Variants in CTDNEP1 observed in about 807,000 individuals in gnomAD.
CTDNEP1 encodes the protein CTD nuclear envelope phosphatase 1.
Under a neutral mutation model 30.1 loss-of-function variants are expected in CTDNEP1, and 3 were observed. That is an observed-to-expected ratio of 0.10 (90% CI 0.05 to 0.26). The LOEUF is 0.26. CTDNEP1 is among the 10% of genes least tolerant of loss of function. CTDNEP1 has a pLI of 1.00. For missense variants in CTDNEP1, 158 were observed against 310.4 expected (o/e 0.51, Z 3.69); for synonymous variants, 123 against 118.8 (o/e 1.04, Z -0.23).
In CTDNEP1 at chr17:7,243,873, G is replaced by C. The variant is rs911146302; in HGVS notation, c.*312C>G. 1.7e-5 allele frequency: 19 copies of C among 1,093,324 alleles called. No individual in the cohort carries two copies. The African/African-American group carries it at 1.9e-4, about 11-fold the overall frequency. 67.7% of individuals were successfully genotyped at this position (1,093,324 alleles called of 1,614,324 possible). A position where few individuals can be genotyped will look rare whatever the true frequency, so the allele number is the denominator to read the frequency against. On this transcript the variant is annotated 3_prime_UTR_variant, in exon 8 of 8. Transcript: ENST00000574322. ...TTCTCTTTGAGCCTCCTGGATCACC[G>C]TATGTCTGTCACTCTGGCCAGTCCT...
intron 1 of CTDNEP1, among the ~76,000 whole-genome samples, 184 bp from the exon 2 acceptor site, chr17:7,247,527 G>T (rs531987626): frequency 6.6e-6 from 1 of 150,402 alleles, no homozygotes; most frequent in Admixed American, 6.6e-5. Context: ...GGAGTGCAGC[G>T]GCATGATCTC....
intron 6 of CTDNEP1, 49 bp from the exon 7 acceptor site, chr17:7,244,684 C>T (rs781350629): frequency 9.1e-5 from 124 of 1,361,638 alleles, no homozygotes; most frequent in Non-Finnish European, 1.2e-4. Context: ...TCAAGAGAGA[C>T]GGTGTTTTTC....
intron 1 of CTDNEP1, among the ~76,000 whole-genome samples, chr17:7,250,271 C>G (rs1567588505): frequency 6.6e-6 from 1 of 152,184 alleles, no homozygotes; most frequent in African/African-American, 2.4e-5. Context: ...TCTCCGCTTA[C>G]TAAATTCTCC....
rs2071804142 is a variant in CTDNEP1, at chr17:7,243,672, C to G, written c.*513G>C. On this transcript the variant is annotated 3_prime_UTR_variant, in exon 8 of 8. Transcript: ENST00000574322. ...AAGCTGGTTACAGGTCTGAGGGAGT[C>G]TAAGGAGAGAAAAATAGAGGGAGAG... 1 of 158,672 alleles carries G rather than the reference C, an allele frequency of 6.3e-6. No individual in the cohort carries two copies. Among genetic ancestry groups the G allele is most frequent in the African/African-American group, 2.4e-5 (1 of 41,448 alleles). The allele number at this position is 158,672 out of a possible 1,614,324, so 9.8% of individuals were successfully genotyped here.
intron 1 of CTDNEP1, among the ~76,000 whole-genome samples, chr17:7,250,411 G>A (rs569761200): frequency 2.2e-4 from 34 of 152,194 alleles, no homozygotes; most frequent in African/African-American, 7.2e-4. Flanking sequence ...GAGATGCTTG[G>A]GTCCATCCGG....
Position 7,244,186 on chromosome 17 carries a change from C to T in CTDNEP1, c.734G>A (p.Ter245=). 2 of 1,614,024 alleles carry T rather than the reference C, an allele frequency of 1.2e-6. No homozygotes were observed. The highest frequency in any genetic ancestry group is 1.7e-6 in the Non-Finnish European group (2 of 1,180,002). Residue 245 remains the stop codon, a stop_retained_variant, in exon 8 of 8, where the codon TGA becomes TAA. Coordinates refer to ENST00000574322, the MANE Select transcript of CTDNEP1 (RefSeq NM_001143775.2). ...ACTCAGGTGGAGGGGGAGCAGCTGT[C>T]ACCAGAGCCGATGTTGGTGAAGGTT... The part of the protein sequence containing the change: ...SRNLHQHRLW[*]
chr17:7,244,883 C>T (rs899191057), intron 6 of CTDNEP1: 3 of 415,962 alleles, frequency 7.2e-6, no homozygotes, highest in Non-Finnish European at 1.3e-5. Context: ...CTTGGCCAGG[C>T]GCAGTGGCTC....
In CTDNEP1 at chr17:7,251,246, G is replaced by A. The variant is rs1418218639; in HGVS notation, c.51C>T (p.Ala17=). ...LLGLRTFVAF[A]AKLWSFFIYL... is the part of the protein sequence containing the mutation. ...AAATGAAGAAGCTCCAGAGCTTGGC[G>A]GCGAAGGCCACGAACGTGCGCAGCC... The change falls in exon 1 of 8, where the codon GCC becomes GCT. Residue 17 remains alanine (A), a synonymous_variant. Transcript: ENST00000574322. 15 of 1,602,508 alleles carry A rather than the reference G, an allele frequency of 9.4e-6. No individual in the cohort carries two copies. Among genetic ancestry groups the A allele is most frequent in the Admixed American group, 3.4e-5 (2 of 58,310 alleles).
chr17:7,247,452 T>G (rs1567587471), intron 1 of CTDNEP1, 109 bp from the exon 2 acceptor site: 1 of 823,188 alleles, frequency 1.2e-6, no homozygotes, highest in Non-Finnish European at 2.0e-6. Context: ...TGTATGTAAT[T>G]TAGGCTTATT....
At chr17:7,248,031 G>A (rs914778142) in intron 1 of CTDNEP1, among the ~76,000 whole-genome samples, 1 of 151,494 alleles carries the variant, frequency 6.6e-6, no homozygotes, top group Non-Finnish European at 1.5e-5. Flanking sequence ...GGGAGGCCAA[G>A]GCAGGCGGAT....
At chr17:7,251,062 A>C (rs1433717625) in intron 1 of CTDNEP1, 133 bp downstream of exon 1, 9 of 599,056 alleles carry the variant, frequency 1.5e-5, no homozygotes, top group Non-Finnish European at 2.5e-5. Context: ...CTCTGGCGAG[A>C]AAAGCCCCAG....
intron 6 of CTDNEP1, among the ~76,000 whole-genome samples, chr17:7,245,456 C>T (rs2071823191): frequency 6.6e-6 from 1 of 151,632 alleles, no homozygotes; most frequent in Non-Finnish European, 1.5e-5. Flanking sequence ...GAGTGAGACC[C>T]TATCTCAAAA....
rs1012441615 is a variant in CTDNEP1 at position 7,243,776 on chromosome 17, G to C, written c.*409C>G. 8.3e-6 allele frequency: 2 copies of C among 240,880 alleles called. No homozygotes were observed. The highest frequency in any genetic ancestry group is 4.6e-5 in the African/African-American group (2 of 43,254). 14.9% of individuals were successfully genotyped at this position (240,880 alleles called of 1,614,324 possible). A position where few individuals can be genotyped will look rare whatever the true frequency, so the allele number is the denominator to read the frequency against. ...ACCCACAGCCCAGCCCTTGGAGCAG[G>C]AGTGAAGAATTAGATCAGTTTTGTA... On this transcript the variant is annotated 3_prime_UTR_variant, in exon 8 of 8. Coordinates refer to ENST00000574322, the MANE Select transcript of CTDNEP1 (RefSeq NM_001143775.2).
Position 7,244,608 on chromosome 17 carries a change from A to T in CTDNEP1, c.617T>A (p.Phe206Tyr). The T allele has an allele frequency of 6.2e-7, 1 of 1,613,054 alleles. No homozygotes were observed. Among genetic ancestry groups the T allele is most frequent in the Non-Finnish European group, 8.5e-7 (1 of 1,179,716 alleles). Residue 206 changes from phenylalanine (F) to tyrosine (Y), a missense_variant, in exon 7 of 8, where the codon TTC becomes TAC. Around this residue, in one of 2 missense-constraint regions of CTDNEP1, gnomAD observed 96 missense variants for 229.1 expected, o/e 0.42. Coordinates refer to ENST00000574322, the MANE Select transcript of CTDNEP1 (RefSeq NM_001143775.2). ...AAGGGCTGTGTCGCTGGGGTCACTGAACCAGGATTTGATGGGGATGGCATT... is the reference window on the plus strand; with the variant it reads ...AAGGGCTGTGTCGCTGGGGTCACTGTACCAGGATTTGATGGGGATGGCATT... ...PDNAIPIKSW[F>Y]SDPSDTALLN...
chr17:7,247,412 G>A lies in CTDNEP1; in HGVS notation c.103-69C>T, dbSNP rs1283806779. 3 of 1,179,220 alleles carry A rather than the reference G, an allele frequency of 2.5e-6. No homozygotes were observed. The African/African-American group carries it at 4.5e-5, about 18-fold the overall frequency. The allele number at this position is 1,179,220 out of a possible 1,614,324, so 73.0% of individuals were successfully genotyped here. On this transcript the variant is annotated intron_variant, in intron 1 of 7. Coordinates refer to ENST00000574322, the MANE Select transcript of CTDNEP1 (RefSeq NM_001143775.2). ...CCTTCCCCAGTAACAGTAACAGGGA[G>A]CACATAATGAACATTTACCACAGGT...
Position 7,251,098 on chromosome 17 carries a change from C to G in CTDNEP1, c.102+97G>C, listed in dbSNP as rs569741607. 7 of 820,548 alleles carry G rather than the reference C, an allele frequency of 8.5e-6. No individual in the cohort carries two copies. In the East Asian group the frequency reaches 2.0e-4, roughly 23 times the overall value. 50.8% of individuals were successfully genotyped at this position (820,548 alleles called of 1,614,324 possible). ...CCAGGATTCCCTTCCTAGGCCCAAA[C>G]AGAGGCCCGACACTCCGAAAACCCC... On this transcript the variant is annotated intron_variant, in intron 1 of 7. Transcript: ENST00000574322.
chr17:7,251,367 C>A lies in CTDNEP1; in HGVS notation c.-71G>T. The A allele has an allele frequency of 9.2e-7, 1 of 1,089,334 alleles. No homozygotes were observed. Among genetic ancestry groups the A allele is most frequent in the Non-Finnish European group, 1.2e-6 (1 of 821,016 alleles). The allele number at this position is 1,089,334 out of a possible 1,614,324, so 67.5% of individuals were successfully genotyped here. Reference sequence around the variant, plus strand: ...CTCCGCCAGCCCCCCGGGGGCAGCCCCCCGCCGCCGGGAGGGGGAACGGGG... The same window carrying A: ...CTCCGCCAGCCCCCCGGGGGCAGCCACCCGCCGCCGGGAGGGGGAACGGGG... On this transcript the variant is annotated 5_prime_UTR_variant, in exon 1 of 8. Coordinates refer to ENST00000574322, the MANE Select transcript of CTDNEP1 (RefSeq NM_001143775.2).
chr17:7,246,931 C>T lies in CTDNEP1; in HGVS notation c.289-69G>A. 2.0e-6 allele frequency: 3 copies of T among 1,465,364 alleles called. No individual in the cohort carries two copies. Among genetic ancestry groups the T allele is most frequent in the South Asian group, 2.3e-5 (2 of 87,122 alleles). The allele number at this position is 1,465,364 out of a possible 1,614,324, so 90.8% of individuals were successfully genotyped here. On this transcript the variant is annotated intron_variant, in intron 3 of 7. Transcript: ENST00000574322. This position sits in a 1 kb window ranked among gnomAD's most constrained non-coding sequence, Gnocchi z 4.9. ...AACCCAGGCCTAGAAAACGCCCCAC[C>T]CATCTGCTTCCCTCCTCCAGGCTGA...
intron 1 of CTDNEP1, among the ~76,000 whole-genome samples, chr17:7,250,682 C>G (rs2071905014): frequency 6.6e-6 from 1 of 152,142 alleles, no homozygotes; most frequent in African/African-American, 2.4e-5. Context: ...TAATGGGAAC[C>G]GCAGGCGTTT....
Sources: gnomAD v4.1 joint callset for allele counts (sites outside exome capture counted in the v4.1 genomes callset) on GRCh38, gnomAD v4.1.1 for gene constraint, gnomAD v4.1.1 regional missense constraint, Gnocchi (gnomAD v3.1) non-coding constraint, MANE v1.5 for transcripts, NCBI Gene and HGNC (gene_info 2026-07-23, HGNC 2026-07-21) for gene names.